The following TEX9 variants were observed in gnomAD, a reference collection of about 807,000 sequenced individuals.
TEX9 encodes the protein testis expressed 9.
In TEX9, 74 loss-of-function variants were observed where a neutral mutation model predicts 59.6. The observed-to-expected ratio is 1.24, with a 90% CI of 1.03 to 1.51. TEX9 has a LOEUF of 1.51. TEX9 is among the 40% of genes most tolerant of loss of function. The pLI, the probability that TEX9 is intolerant of heterozygous loss-of-function variation, is 0.00. For synonymous variants in TEX9, 186 were observed against 152.2 expected (o/e 1.22, Z -1.64); for missense variants, 522 against 447.8 (o/e 1.17, Z -1.49).
At chr15:56,255,561 T>A (rs2044126763) in intron 1 of TEX9, among the ~76,000 whole-genome samples, 1 of 151,894 alleles carries the variant, frequency 6.6e-6, no homozygotes, top group Non-Finnish European at 1.5e-5. Context: ...CAAGTTCTAA[T>A]AAGGATAACA....
intron 1 of TEX9, among the ~76,000 whole-genome samples, chr15:56,267,361 C>G (rs971575025): frequency 3.9e-4 from 59 of 152,166 alleles, no homozygotes; most frequent in African/African-American, 1.3e-3. Flanking sequence ...TTTGGATTTT[C>G]TTGCCATTGC....
intron 9 of TEX9, 23 bp from the exon 10 acceptor site, chr15:56,412,279 C>T: frequency 1.3e-6 from 2 of 1,576,330 alleles, no homozygotes; most frequent in Non-Finnish European, 1.7e-6. Flanking sequence ...TATAAATGTT[C>T]CATAATCTTT....
chr15:56,362,239 A>C (rs1422300766), upstream of TEX9, among the ~76,000 whole-genome samples: 1 of 152,182 alleles, frequency 6.6e-6, no homozygotes, highest in Non-Finnish European at 1.5e-5. Context: ...TAATTACTGA[A>C]GGAGTAGTAT....
At chr15:56,430,294 CT>C (rs1377575130) in intron 12 of TEX9, among the ~76,000 whole-genome samples, 140 bp downstream of exon 12, 5 of 152,196 alleles carry the variant, frequency 3.3e-5, no homozygotes, top group African/African-American at 1.2e-4. Context: ...GCAGCTTCAA[CT>C]TTCCAGGCTC....
At chr15:56,456,361 CTAAA>C in the TEX9 span, 2 of 1,581,418 alleles carry the variant, frequency 1.3e-6, no homozygotes, top group Admixed American at 3.9e-5. Flanking sequence ...AAGATAAAGA[CTAAA>C]TAAATGAAAT....
intron 1 of TEX9, among the ~76,000 whole-genome samples, chr15:56,255,659 C>A (rs923430695): frequency 1.4e-4 from 22 of 152,086 alleles, no homozygotes; most frequent in African/African-American, 4.8e-4. Flanking sequence ...AAATAGAATT[C>A]TGTAAGAAGC....
chr15:56,302,906 T>C (rs1247434693), intron 1 of TEX9, among the ~76,000 whole-genome samples: 3 of 151,252 alleles, frequency 2.0e-5, no homozygotes, highest in Non-Finnish European at 4.4e-5. Context: ...AGAACAGGAG[T>C]CATTATACTT....
intron 3 of TEX9, among the ~76,000 whole-genome samples, chr15:56,380,599 C>G (rs1596147778): frequency 6.6e-6 from 1 of 152,228 alleles, no homozygotes; most frequent in East Asian, 1.9e-4. Flanking sequence ...TAGGACAGGT[C>G]TAGTGTTGAT....
intron 12 of TEX9, among the ~76,000 whole-genome samples, chr15:56,442,260 A>T (rs183273055): frequency 6.6e-6 from 1 of 152,278 alleles, no homozygotes; most frequent in East Asian, 1.9e-4. Flanking sequence ...AGAAAAAGGA[A>T]TGCTTATACA....
chr15:56,343,508 G>A (rs2046410621), intron 1 of TEX9, among the ~76,000 whole-genome samples: 1 of 152,030 alleles, frequency 6.6e-6, no homozygotes, highest in African/African-American at 2.4e-5. Context: ...GACTAATCAA[G>A]TGAAAAAGGA....
intron 1 of TEX9, among the ~76,000 whole-genome samples, chr15:56,298,941 T>C (rs1423897174): frequency 4.6e-5 from 7 of 152,204 alleles, no homozygotes; most frequent in African/African-American, 1.4e-4. Flanking sequence ...TGCATCACAA[T>C]TAAAAGTTAT....
intron 10 of TEX9, among the ~76,000 whole-genome samples, chr15:56,414,115 G>C (rs1323728368): frequency 6.6e-6 from 1 of 151,744 alleles, no homozygotes; most frequent in African/African-American, 2.4e-5. Context: ...TAACCACCTA[G>C]GTATCAGGAT....
chr15:56,316,805 C>T (rs1471708877), intron 1 of TEX9, among the ~76,000 whole-genome samples: 1 of 152,214 alleles, frequency 6.6e-6, no homozygotes, highest in Non-Finnish European at 1.5e-5. Flanking sequence ...CAGCGAGACT[C>T]CGTGAGCGTA....
At chr15:56,430,648 C>T (rs1375970092) in intron 12 of TEX9, among the ~76,000 whole-genome samples, 3 of 152,110 alleles carry the variant, frequency 2.0e-5, no homozygotes, top group African/African-American at 4.8e-5. Flanking sequence ...CAACCATGTG[C>T]CTATTACTGG....
chr15:56,416,777 A>C (rs1356048047), intron 10 of TEX9, among the ~76,000 whole-genome samples: 3 of 151,896 alleles, frequency 2.0e-5, no homozygotes, highest in African/African-American at 7.3e-5. Flanking sequence ...TTTCTGTAAG[A>C]ATGGTACCAG....
intron 1 of TEX9, among the ~76,000 whole-genome samples, chr15:56,303,968 G>A (rs1214937785): frequency 6.6e-6 from 1 of 151,996 alleles, no homozygotes. Flanking sequence ...AAACATGAAC[G>A]GACTAATAAC....
chr15:56,313,610 C>CT (rs1224548749), intron 1 of TEX9, among the ~76,000 whole-genome samples: 24 of 132,928 alleles, frequency 1.8e-4, no homozygotes, highest in Admixed American at 4.0e-4. Context: ...CTAAAATTCT[C>CT]TTTTTTTGTT....
chr15:56,334,408 A>C (rs1392455532), intron 1 of TEX9, among the ~76,000 whole-genome samples: 1 of 152,206 alleles, frequency 6.6e-6, no homozygotes, highest in Non-Finnish European at 1.5e-5. Flanking sequence ...TACAGTAAGG[A>C]GAGAACAGTC....
chr15:56,405,304 C>T (rs1197651151), intron 9 of TEX9, among the ~76,000 whole-genome samples: 2 of 138,386 alleles, frequency 1.4e-5, no homozygotes, highest in Non-Finnish European at 3.0e-5. Flanking sequence ...AAGACTCCGT[C>T]TCAAAGAAAA....
Sources: gnomAD v4.1 joint callset for allele counts (sites outside exome capture counted in the v4.1 genomes callset) on GRCh38, gnomAD v4.1.1 for gene constraint, MANE v1.5 for transcripts, NCBI Gene and HGNC (gene_info 2026-07-23, HGNC 2026-07-21) for gene names.